Variants in HTATIP2 observed in about 807,000 individuals in gnomAD.
HTATIP2 encodes protein HTATIP2.
In HTATIP2, 26 loss-of-function variants were observed where a neutral mutation model predicts 24.7. The ratio of observed to expected loss-of-function variants is 1.05; its 90% CI spans 0.77 to 1.46. HTATIP2 has a LOEUF of 1.46. Ranked by LOEUF, HTATIP2 falls within the 40% of genes most tolerant of loss-of-function variation. The pLI is 0.00. For synonymous variants in HTATIP2, 99 were observed against 113.2 expected (o/e 0.87, Z 0.79); for missense variants, 284 against 289.6 (o/e 0.98, Z 0.14).
In HTATIP2 at chr11:20,364,173, C is replaced by T. The variant is rs991269966; in HGVS notation, c.-65C>T. 1.3e-6 allele frequency: 2 copies of T among 1,512,464 alleles called. No individual in the cohort carries two copies. Among genetic ancestry groups the T allele is most frequent in the Admixed American group, 2.2e-5 (1 of 46,258 alleles). 93.7% of individuals were successfully genotyped at this position (1,512,464 alleles called of 1,614,324 possible). On this transcript the variant is annotated 5_prime_UTR_variant, in exon 1 of 5. Transcript: ENST00000451739. Reference sequence around the variant, plus strand: ...TAACAGATAAACAGCCCTTGTTCCTCGGGATAAGGACTGGCAGTCCCCTGA... The same window carrying T: ...TAACAGATAAACAGCCCTTGTTCCTTGGGATAAGGACTGGCAGTCCCCTGA...
chr11:20,376,336 C>T, intron 2 of HTATIP2: 1 of 483,390 alleles, frequency 2.1e-6, no homozygotes, highest in Non-Finnish European at 3.6e-6. Flanking sequence ...GTCTGTGTTT[C>T]AATGTCATTG....
intron 1 of HTATIP2, 51 bp from the exon 2 acceptor site, chr11:20,367,123 G>C (rs1302104683): frequency 1.3e-6 from 2 of 1,596,510 alleles, no homozygotes; most frequent in African/African-American, 2.7e-5. Context: ...GGGGGTTTTT[G>C]GTCTGTTGTT....
chr11:20,374,383 G>A (rs573519068), intron 2 of HTATIP2, among the ~76,000 whole-genome samples: 1 of 152,172 alleles, frequency 6.6e-6, no homozygotes, highest in Non-Finnish European at 1.5e-5. Context: ...TATCATCTTA[G>A]AAGTCTGACA....
chr11:20,379,609 A>C (rs1434347903), intron 3 of HTATIP2, among the ~76,000 whole-genome samples: 1 of 152,122 alleles, frequency 6.6e-6, no homozygotes, highest in African/African-American at 2.4e-5. Context: ...TGGATCAATC[A>C]TGTGCTTTAT....
chr11:20,369,873 G>T (rs527691383), intron 2 of HTATIP2, among the ~76,000 whole-genome samples: 180 of 152,308 alleles, frequency 1.2e-3, no homozygotes, highest in Non-Finnish European at 3.2e-4. Context: ...GTCTACTCAG[G>T]TTTCTATTGA....
chr11:20,372,161 C>T (rs2064778933), intron 2 of HTATIP2, among the ~76,000 whole-genome samples: 2 of 152,118 alleles, frequency 1.3e-5, no homozygotes, highest in African/African-American at 4.8e-5. Flanking sequence ...GTTGCCAAGG[C>T]TAGACTCAAA....
Position 20,363,856 on chromosome 11 carries a change from G to A in HTATIP2, c.-382G>A. The stretch of plus-strand genomic sequence containing the variant: ...TGAGCGCGGCGGCGGCGGCTGCTCT[G>A]GCGGCCGCCCTGCTCCTGCTGCGTC... On this transcript the variant is annotated 5_prime_UTR_variant, in exon 1 of 5. Transcript: ENST00000451739. 1 of 1,244,954 alleles carries A rather than the reference G, an allele frequency of 8.0e-7. No homozygotes were observed. Among genetic ancestry groups the A allele is most frequent in the Non-Finnish European group, 1.0e-6 (1 of 991,406 alleles). The allele number at this position is 1,244,954 out of a possible 1,614,324, so 77.1% of individuals were successfully genotyped here.
chr11:20,366,227 G>A (rs1216172108), intron 1 of HTATIP2, among the ~76,000 whole-genome samples: 4 of 146,502 alleles, frequency 2.7e-5, no homozygotes, highest in Admixed American at 1.4e-4. Flanking sequence ...TCAGCCTCCC[G>A]AGTAGCTGCA....
rs2064667414 is a variant in HTATIP2, at chr11:20,364,174, G to A, written c.-64G>A. 6 of 1,511,174 alleles carry A rather than the reference G, an allele frequency of 4.0e-6. No homozygotes were observed. The highest frequency in any genetic ancestry group is 5.3e-6 in the Non-Finnish European group (6 of 1,126,996). The allele number at this position is 1,511,174 out of a possible 1,614,324, so 93.6% of individuals were successfully genotyped here. On this transcript the variant is annotated 5_prime_UTR_variant, in exon 1 of 5. Transcript: ENST00000451739. ...AACAGATAAACAGCCCTTGTTCCTC[G>A]GGATAAGGACTGGCAGTCCCCTGAC...
Position 20,364,318 on chromosome 11 carries a change from C to G in HTATIP2, c.81C>G (p.Ser27Arg). ...QNKSVFILGA[S>R]GETGRVLLKE... ...AATCCGTCTTTATTTTGGGCGCCAG[C>G]GGAGAAACCGGCAGAGTGCTCTTAA... Residue 27 changes from serine (S) to arginine (R), a missense_variant, in exon 1 of 5, where the codon AGC becomes AGG. Transcript: ENST00000451739. 6.2e-7 allele frequency: 1 copy of G among 1,613,786 alleles called. No homozygotes were observed. Among genetic ancestry groups the G allele is most frequent in the Non-Finnish European group, 8.5e-7 (1 of 1,179,774 alleles).
In HTATIP2 at chr11:20,365,719, CCCAGAGCTTTGGGAGT is replaced by C. The variant is rs2064693462; in HGVS notation, c.195+1290_195+1305del. Among the ~76,000 whole-genome samples the C allele has an allele frequency of 2.6e-5, 4 of 152,174 alleles. 1 individual carries two copies. The South Asian group carries it at 8.3e-4, about 32-fold the overall frequency. ...GGGCGTGGTGGCTCATGCCTGTAAT[CCCAGAGCTTTGGGAGT>C]CCGAGGCAGGGGATCTCTTGAGGTC... On this transcript the variant is annotated intron_variant, in intron 1 of 4. Transcript: ENST00000451739.
chr11:20,383,414 G>C lies in HTATIP2; in HGVS notation c.*209G>C, dbSNP rs1461975333. The C allele has an allele frequency of 3.8e-6, 2 of 521,432 alleles. No homozygotes were observed. Among genetic ancestry groups the C allele is most frequent in the Non-Finnish European group, 6.7e-6 (2 of 297,482 alleles). The allele number at this position is 521,432 out of a possible 1,614,324, so 32.3% of individuals were successfully genotyped here. A position where few individuals can be genotyped will look rare whatever the true frequency, so the allele number is the denominator to read the frequency against. On this transcript the variant is annotated 3_prime_UTR_variant, in exon 5 of 5. Transcript: ENST00000451739. ...ACTCAGGGAGCTTTGGAAAAATAAAGATTTGTCAGCCCTATCTCAAACTTG... is the reference window on the plus strand; with the variant it reads ...ACTCAGGGAGCTTTGGAAAAATAAACATTTGTCAGCCCTATCTCAAACTTG...
intron 3 of HTATIP2, among the ~76,000 whole-genome samples, chr11:20,380,499 C>T (rs900330210): frequency 6.6e-6 from 1 of 151,960 alleles, no homozygotes; most frequent in African/African-American, 2.4e-5. Flanking sequence ...GGTGAAACCC[C>T]GTCTCTACTA....
At position 20,366,640 on chromosome 11, in the gene HTATIP2, T is replaced by C. The variant is rs181612234; in HGVS notation, c.196-534T>C. ...ACTATTGGTGTGGGATGTAGGAATA[T>C]GCCTTTTTATTAAGCACTCCCTGAC... On this transcript the variant is annotated intron_variant, in intron 1 of 4. Transcript: ENST00000451739. Among the ~76,000 whole-genome samples the C allele has an allele frequency of 1.5e-3, 235 of 152,278 alleles. 2 individuals are homozygous for C. Among genetic ancestry groups the C allele is most frequent in the African/African-American group, 5.6e-3 (231 of 41,560 alleles).
rs1465290693 is a variant in HTATIP2 at position 20,383,747 on chromosome 11, G to T, written c.*542G>T. 1 of 153,850 alleles carries T rather than the reference G, an allele frequency of 6.5e-6. No individual in the cohort carries two copies. Among genetic ancestry groups the T allele is most frequent in the Non-Finnish European group, 1.4e-5 (1 of 69,086 alleles). 9.5% of individuals were successfully genotyped at this position (153,850 alleles called of 1,614,324 possible). A position where few individuals can be genotyped will look rare whatever the true frequency, so the allele number is the denominator to read the frequency against. Reference sequence around the variant, plus strand: ...CTAAGCTTATATAATACATGGGGAGGATTAAATAAAGGAATAAAGATGAAT... The same window carrying T: ...CTAAGCTTATATAATACATGGGGAGTATTAAATAAAGGAATAAAGATGAAT... On this transcript the variant is annotated 3_prime_UTR_variant, in exon 5 of 5. Coordinates refer to ENST00000451739, the MANE Select transcript of HTATIP2 (RefSeq NM_001098522.2).
intron 1 of HTATIP2, 22 bp downstream of exon 1, chr11:20,364,454 C>G (rs781291964): frequency 1.3e-6 from 2 of 1,569,222 alleles, no homozygotes; most frequent in Admixed American, 3.5e-5. Flanking sequence ...AGCTGGGACT[C>G]AAATGGACCC....
rs756636926 is a variant in HTATIP2, at chr11:20,383,008, C to T, written c.532C>T (p.Arg178Cys). The T allele has an allele frequency of 4.4e-5, 71 of 1,612,738 alleles. 1 individual carries two copies. The highest frequency in any genetic ancestry group is 2.0e-4 in the East Asian group (9 of 44,830). Residue 178 changes from arginine (R) to cysteine (C), a missense_variant, in exon 5 of 5, where the codon CGC (arginine) becomes TGC (cysteine). Physicochemically the swap from Arg to Cys is radical, Grantham distance 180. Transcript: ENST00000451739. ...GVLLCDRQES[R>C]PGEWLVRKFF... is the part of the protein sequence containing the mutation. ...TCTGTTATGTGATAGGCAAGAATCT[C>T]GCCCAGGTGAATGGCTGGTTAGAAA...
chr11:20,370,850 C>T (rs1035661059), intron 2 of HTATIP2, among the ~76,000 whole-genome samples: 9 of 152,104 alleles, frequency 5.9e-5, no homozygotes, highest in Admixed American at 2.6e-4. Context: ...GGGGTTTTAC[C>T]GTGTTAGCCA....
At chr11:20,365,970 CAAAAA>C (rs1161230646) in intron 1 of HTATIP2, among the ~76,000 whole-genome samples, 5 of 96,780 alleles carry the variant, frequency 5.2e-5, no homozygotes, top group South Asian at 3.4e-4. Flanking sequence ...GACTCTGTCT[CAAAAA>C]AAAAAAAAAA....
Sources: gnomAD v4.1 joint callset for allele counts (sites outside exome capture counted in the v4.1 genomes callset) on GRCh38, gnomAD v4.1.1 for gene constraint, MANE v1.5 for transcripts, NCBI Gene and HGNC (gene_info 2026-07-23, HGNC 2026-07-21) for gene names.